Variants in COLEC10 observed in about 807,000 individuals in gnomAD.
The protein encoded by COLEC10 is collectin-10.
In COLEC10, 22 loss-of-function variants were observed where a neutral mutation model predicts 28.4. The ratio of observed to expected loss-of-function variants is 0.78; its 90% confidence interval spans 0.55 to 1.11. The LOEUF (loss-of-function observed/expected upper bound fraction) is 1.11, where lower values mean the gene tolerates loss of function less well. Ranked by LOEUF, COLEC10 falls within the 50% of genes least tolerant of loss-of-function variation. The pLI, the probability that COLEC10 is intolerant of heterozygous loss-of-function variation, is 0.00. For synonymous variants in COLEC10, 125 were observed against 116.1 expected (o/e 1.08, Z -0.49); for missense variants, 361 against 344.1 (o/e 1.05, Z -0.39).
At chr8:118,998,786 G>T (rs761277204) in intron 1 of COLEC10, among the ~76,000 whole-genome samples, 10 of 146,546 alleles carry the variant, frequency 6.8e-5, no homozygotes, top group Non-Finnish European at 1.5e-4. Context: ...GGCAGAGGTT[G>T]CAGTGAGCCA....
chr8:118,988,735 G>A, the COLEC10 span, among the ~76,000 whole-genome samples: 1 of 152,142 alleles, frequency 6.6e-6, no homozygotes, highest in African/African-American at 2.4e-5. Context: ...CAGACTCTCT[G>A]AGGACTGCAT....
At chr8:119,004,278 GA>G (rs34173220) in intron 1 of COLEC10, among the ~76,000 whole-genome samples, 1 of 151,920 alleles carries the variant, frequency 6.6e-6, no homozygotes, top group Middle Eastern at 3.4e-3. Flanking sequence ...AGGTCAAGGG[GA>G]AAAAATAACC....
At chr8:119,029,255 T>G (rs989942810) in intron 2 of COLEC10, among the ~76,000 whole-genome samples, 2 of 152,146 alleles carry the variant, frequency 1.3e-5, no homozygotes, top group African/African-American at 4.8e-5. Context: ...GATTTTCGTT[T>G]TGCAAAGGCC....
chr8:119,023,335 C>A (rs1814130991), intron 2 of COLEC10, among the ~76,000 whole-genome samples: 1 of 152,046 alleles, frequency 6.6e-6, no homozygotes, highest in South Asian at 2.1e-4. Context: ...GTATGTATCT[C>A]ATTTGTAGAA....
chr8:119,016,108 C>G lies in COLEC10; in HGVS notation n.235+6555C>G, dbSNP rs181873420. Among the ~76,000 whole-genome samples, 331 of 152,116 alleles carry G rather than the reference C, an allele frequency of 2.2e-3. 1 individual carries two copies. The highest frequency in any genetic ancestry group is 7.7e-3 in the African/African-American group (320 of 41,494). On this transcript the variant is annotated intron_variant and non_coding_transcript_variant, in intron 2 of 6. Coordinates refer to the COLEC10 transcript ENST00000521788. Reference sequence around the variant, plus strand: ...TTGTTACACAGATATACACGTGCACCTATCAACCTGTCATCTAAGTTTTAA... The same window carrying G: ...TTGTTACACAGATATACACGTGCACGTATCAACCTGTCATCTAAGTTTTAA...
At chr8:119,057,775 C>A (rs1814789536) in intron 2 of COLEC10, among the ~76,000 whole-genome samples, 1 of 151,972 alleles carries the variant, frequency 6.6e-6, no homozygotes, top group Admixed American at 6.6e-5. Flanking sequence ...CTAATTCATC[C>A]AATATTATTC....
chr8:118,985,627 C>T, the COLEC10 span, among the ~76,000 whole-genome samples: 2 of 152,096 alleles, frequency 1.3e-5, no homozygotes, highest in African/African-American at 2.4e-5. Flanking sequence ...CCTCCTTCTC[C>T]CTCTCTTGGT....
chr8:119,042,862 T>C, intron 2 of COLEC10, among the ~76,000 whole-genome samples: 1 of 152,344 alleles, frequency 6.6e-6, no homozygotes, highest in African/African-American at 2.4e-5. Context: ...ATTAGCTCTT[T>C]TTATTACCTG....
At chr8:118,964,967 C>A in the COLEC10 span, among the ~76,000 whole-genome samples, 2 of 152,126 alleles carry the variant, frequency 1.3e-5, no homozygotes, top group African/African-American at 4.8e-5. Flanking sequence ...CTTGTTCCAC[C>A]TAGGTGAAGG....
chr8:118,989,923 T>C, the COLEC10 span, among the ~76,000 whole-genome samples: 1 of 152,134 alleles, frequency 6.6e-6, no homozygotes, highest in Non-Finnish European at 1.5e-5. Context: ...TCAGTGAGCA[T>C]TTCCTTTGAG....
chr8:118,964,681 A>G, the COLEC10 span, among the ~76,000 whole-genome samples: 2 of 152,178 alleles, frequency 1.3e-5, no homozygotes, highest in Admixed American at 6.5e-5. Context: ...GATGATTTCA[A>G]TATAATGTAG....
chr8:118,991,516 CAAATGGTGGATGG>C (rs1303119712), upstream of COLEC10, among the ~76,000 whole-genome samples: 1 of 152,106 alleles, frequency 6.6e-6, no homozygotes, highest in Non-Finnish European at 1.5e-5. Flanking sequence ...TTTGAGTTTG[CAAATGGTGGATGG>C]AAGTGGTGGA....
chr8:119,016,074 C>T (rs752539381), intron 2 of COLEC10, among the ~76,000 whole-genome samples: 14 of 152,058 alleles, frequency 9.2e-5, no homozygotes, highest in Non-Finnish European at 1.8e-4. Flanking sequence ...ATGTGCAGAA[C>T]ATGCAGGATT....
intron 2 of COLEC10, among the ~76,000 whole-genome samples, chr8:119,015,955 T>C (rs1342582290): frequency 6.6e-6 from 1 of 152,178 alleles, no homozygotes; most frequent in Non-Finnish European, 1.5e-5. Context: ...CAGGTAGTGA[T>C]TGAATCCTCA....
intron 1 of COLEC10, among the ~76,000 whole-genome samples, chr8:119,081,633 G>A (rs141171901): frequency 5.5e-4 from 84 of 152,268 alleles, no homozygotes; most frequent in Middle Eastern, 3.4e-3. Flanking sequence ...TGAACAGGTT[G>A]GACAGGAATA....
At chr8:119,091,425 C>G (rs1304016558) in intron 3 of COLEC10, among the ~76,000 whole-genome samples, 1 of 151,046 alleles carries the variant, frequency 6.6e-6, no homozygotes, top group African/African-American at 2.4e-5. Flanking sequence ...CATGGTGGCA[C>G]ATACCTATAG....
chr8:119,076,265 T>TC (rs1491011957), intron 1 of COLEC10, among the ~76,000 whole-genome samples: 1 of 29,242 alleles, frequency 3.4e-5, no homozygotes, highest in Non-Finnish European at 6.4e-5. Flanking sequence ...CAAAATTCTT[T>TC]TTTTTTTTTT....
At position 119,067,417 on chromosome 8, in the gene COLEC10, C is replaced by A. The variant is rs1814992740; in HGVS notation, c.136C>A (p.Pro46Thr). The A allele has an allele frequency of 2.5e-6, 4 of 1,613,792 alleles. No homozygotes were observed. The East Asian group carries it at 8.9e-5, about 36-fold the overall frequency. Residue 46 changes from proline (P) to threonine (T), a missense_variant, in exon 1 of 6, where the codon CCA becomes ACA. Pro to Thr is a conservative substitution (Grantham distance 38). This residue lies in a region of COLEC10 where 335 missense variants were observed against 308.5 expected (regional missense o/e 1.09). Transcript: ENST00000332843. The stretch of plus-strand genomic sequence containing the variant: ...AGTCTGTGCCACACACACAATTTCA[C>A]CAGGACCCAAAGGTGAGGAAAGAAA... ...AEVCATHTIS[P>T]GPKGDDGEKG...
At chr8:118,969,728 A>G in the COLEC10 span, among the ~76,000 whole-genome samples, 1 of 150,768 alleles carries the variant, frequency 6.6e-6, no homozygotes, top group Non-Finnish European at 1.5e-5. Flanking sequence ...TCCTTATAAT[A>G]AATTCCTTCA....
Sources: gnomAD v4.1 joint callset for allele counts (sites outside exome capture counted in the v4.1 genomes callset) on GRCh38, gnomAD v4.1.1 for gene constraint, gnomAD v4.1.1 regional missense constraint, MANE v1.5 for transcripts, NCBI Gene and HGNC (gene_info 2026-07-23, HGNC 2026-07-21) for gene names.